Variants in IQCK observed in about 807,000 individuals in gnomAD.
IQCK encodes the protein IQ domain-containing protein K.
In IQCK, 29 loss-of-function variants were observed where a neutral mutation model predicts 28.1. That is an observed-to-expected ratio of 1.03 (90% CI 0.77 to 1.41). IQCK has a LOEUF of 1.41. Among genes scored for constraint, IQCK ranks in the 40% most tolerant of loss-of-function variants. The pLI is 0.00. For missense variants in IQCK, 359 were observed against 314.7 expected, an observed-to-expected ratio of 1.14 and a Z score of -1.07; for synonymous variants, 113 against 115.1, an observed-to-expected ratio of 0.98 and a Z score of 0.12.
At chr16:19,780,105 G>A (rs1279961691) in intron 6 of IQCK, among the ~76,000 whole-genome samples, 5 of 150,446 alleles carry the variant, frequency 3.3e-5, no homozygotes, top group East Asian at 3.9e-4. Flanking sequence ...GCAGTGGTGC[G>A]CTCTCAGCTC....
intron 6 of IQCK, among the ~76,000 whole-genome samples, chr16:19,772,055 G>A (rs1362685957): frequency 6.6e-6 from 1 of 152,150 alleles, no homozygotes; most frequent in Non-Finnish European, 1.5e-5. Flanking sequence ...ACAGATGGTT[G>A]GTAAAATCAG....
At chr16:19,820,800 TATA>T (rs2056062109) in intron 7 of IQCK, among the ~76,000 whole-genome samples, 1 of 151,988 alleles carries the variant, frequency 6.6e-6, no homozygotes, top group Non-Finnish European at 1.5e-5. Flanking sequence ...GTCCAAAACA[TATA>T]ATAAACTCTT....
chr16:19,815,613 G>A (rs2055977494), intron 7 of IQCK, among the ~76,000 whole-genome samples: 1 of 152,338 alleles, frequency 6.6e-6, no homozygotes, highest in South Asian at 2.1e-4. Flanking sequence ...TCAGGCTGCA[G>A]TGAGCTGCGA....
At chr16:19,762,154 A>G (rs1295927447) in intron 4 of IQCK, 1 of 152,256 alleles carries the variant, frequency 6.6e-6, no homozygotes, top group Non-Finnish European at 1.5e-5. Context: ...CCCTTGCTAC[A>G]TGGGAGCCTG....
At chr16:19,747,005 A>C (rs139800688) in intron 4 of IQCK, among the ~76,000 whole-genome samples, 213 of 152,360 alleles carry the variant, frequency 1.4e-3, no homozygotes, top group African/African-American at 4.9e-3. Flanking sequence ...TTGGTCAGGC[A>C]TCGTGGCTCA....
At chr16:19,744,477 G>A (rs1256785141) in intron 4 of IQCK, among the ~76,000 whole-genome samples, 1 of 152,084 alleles carries the variant, frequency 6.6e-6, no homozygotes, top group Non-Finnish European at 1.5e-5. Flanking sequence ...GTAAAATTCA[G>A]CATATTTAAT....
intron 4 of IQCK, among the ~76,000 whole-genome samples, chr16:19,757,145 A>G (rs2055063905): frequency 6.6e-6 from 1 of 152,210 alleles, no homozygotes; most frequent in Non-Finnish European, 1.5e-5. Flanking sequence ...TTGTAAGCCC[A>G]AAGAGTCTCA....
intron 4 of IQCK, among the ~76,000 whole-genome samples, chr16:19,739,996 C>T (rs1034721464): frequency 5.3e-5 from 8 of 152,180 alleles, no homozygotes; most frequent in Non-Finnish European, 1.2e-4. Flanking sequence ...CTCAAGGTCA[C>T]CTAGTAAGCA....
intron 6 of IQCK, among the ~76,000 whole-genome samples, chr16:19,782,502 C>CTCTG (rs2055501695): frequency 6.6e-6 from 1 of 151,816 alleles, no homozygotes; most frequent in South Asian, 2.1e-4. Context: ...GTGGTGTGTA[C>CTCTG]CTGTAATCTC....
At chr16:19,763,816 A>C in intron 4 of IQCK, 32 bp from the exon 5 acceptor site, 1 of 1,527,518 alleles carries the variant, frequency 6.5e-7, no homozygotes, top group Non-Finnish European at 9.1e-7. Flanking sequence ...TTTAAGGGTC[A>C]GTTGTAATTT....
rs2056134796 is a variant in IQCK at position 19,825,406 on chromosome 16, G to A, written c.691-1620G>A. ...CTGGTGGTGCACACCTGTATTCCCA[G>A]CTACTTGGGAGGCTGAGGCAGGAGA... is the stretch of plus-strand genomic sequence containing the variant. On this transcript the variant is annotated intron_variant, in intron 7 of 7. Coordinates refer to ENST00000564186, the Ensembl canonical transcript of IQCK. This position sits in a 1 kb window ranked among gnomAD's most constrained non-coding sequence, Gnocchi z 4.2. Among the ~76,000 whole-genome samples, 2 of 152,080 alleles carry A rather than the reference G, an allele frequency of 1.3e-5. No individual in the cohort carries two copies. The highest frequency in any genetic ancestry group is 2.9e-5 in the Non-Finnish European group (2 of 68,032).
chr16:19,844,645 T>A (rs2056395906), intron 9 of IQCK, among the ~76,000 whole-genome samples: 1 of 152,148 alleles, frequency 6.6e-6, no homozygotes, highest in African/African-American at 2.4e-5. Flanking sequence ...AACGTTCGTG[T>A]TTTCTTTTCA....
At chr16:19,719,140 T>C (rs1977384088) in intron 1 of IQCK, among the ~76,000 whole-genome samples, 1 of 152,090 alleles carries the variant, frequency 6.6e-6, no homozygotes, top group Admixed American at 6.6e-5. Flanking sequence ...CCTATTTCGA[T>C]GGTGTTAAGA....
chr16:19,767,668 C>CG (rs900473898), intron 6 of IQCK, among the ~76,000 whole-genome samples: 1 of 151,948 alleles, frequency 6.6e-6, no homozygotes, highest in Admixed American at 6.6e-5. Flanking sequence ...ATGCCCAGGA[C>CG]GGGGGGTGTG....
chr16:19,824,428 A>T lies in IQCK; in HGVS notation c.691-2598A>T, dbSNP rs185092501. ...AGATACAGATGAAGCTTCCCTGCTC[A>T]CTCGCCACTCACCTTCTGTTGTACC... On this transcript the variant is annotated intron_variant, in intron 7 of 7. Transcript: ENST00000564186. Among the ~76,000 whole-genome samples, 163 of 152,182 alleles carry T rather than the reference A, an allele frequency of 1.1e-3. 2 individuals carry two copies. Among genetic ancestry groups the T allele is most frequent in the African/African-American group, 3.9e-3 (161 of 41,516 alleles).
At chr16:19,854,676 C>T (rs1296102214) in intron 9 of IQCK, among the ~76,000 whole-genome samples, 1 of 152,228 alleles carries the variant, frequency 6.6e-6, no homozygotes, top group African/African-American at 2.4e-5. Flanking sequence ...ACTGTGCGCA[C>T]CTCTTCCCAA....
chr16:19,832,927 A>G (rs2056251284), intron 9 of IQCK, among the ~76,000 whole-genome samples: 1 of 152,170 alleles, frequency 6.6e-6, no homozygotes, highest in Admixed American at 6.5e-5. Context: ...AACCTCCCCC[A>G]TGATCCAGTC....
At chr16:19,761,607 C>T (rs2055144454) in intron 4 of IQCK, 1 of 278,052 alleles carries the variant, frequency 3.6e-6, no homozygotes, top group African/African-American at 2.2e-5. Context: ...CATAACAATT[C>T]TCTAAAAGAA....
At chr16:19,740,520 G>A (rs537971295) in intron 4 of IQCK, among the ~76,000 whole-genome samples, 16 of 152,228 alleles carry the variant, frequency 1.1e-4, no homozygotes, top group East Asian at 1.9e-4. Context: ...AGCACCTCAC[G>A]AGTCACATTT....
Sources: allele counts gnomAD v4.1 joint callset (sites outside exome capture counted in the v4.1 genomes callset), GRCh38; gene constraint gnomAD v4.1.1; non-coding constraint Gnocchi (gnomAD v3.1); transcripts MANE v1.5; gene names NCBI Gene and HGNC (gene_info 2026-07-23, HGNC 2026-07-21).